The following EDDM13 variants were observed in gnomAD, a reference collection of about 807,000 sequenced individuals.
The protein encoded by EDDM13 is epididymal protein 13.
In EDDM13, 24 loss-of-function variants were observed where a neutral mutation model predicts 17.8. The observed-to-expected ratio is 1.35, with a 90% confidence interval of 0.98 to 1.90. The LOEUF is 1.90. EDDM13 is among the 40% of genes most tolerant of loss of function. The pLI, the probability that EDDM13 is intolerant of heterozygous loss-of-function variation, is 0.00. For synonymous variants in EDDM13, 31 were observed against 37.5 expected (o/e 0.83, Z 0.63); for missense variants, 97 against 100.8 (o/e 0.96, Z 0.16).
chr19:56,308,467 G>T (rs2040840702), intron 14 of EDDM13, among the ~76,000 whole-genome samples: 1 of 151,996 alleles, frequency 6.6e-6, no homozygotes, highest in African/African-American at 2.4e-5. Context: ...GGGATTACAG[G>T]CATGCACCAC....
chr19:56,286,637 C>T (rs563819018), intron 6 of EDDM13: 83 of 152,272 alleles, frequency 5.5e-4, no homozygotes, highest in African/African-American at 1.9e-3. Flanking sequence ...AGGTTGTTCC[C>T]GCTGTTCGGT....
intron 1 of EDDM13, 130 bp downstream of exon 1, chr19:56,273,049 A>T (rs1267671523): frequency 4.4e-6 from 1 of 228,590 alleles, no homozygotes; most frequent in Non-Finnish European, 7.2e-6. Flanking sequence ...TTAGACATTC[A>T]CATTTCCCTT....
chr19:56,310,066 A>T (rs2304122), intron 14 of EDDM13, 58 bp from the exon 15 acceptor site: 73,153 of 152,268 alleles, frequency 0.48, 17,816 homozygotes, highest in Middle Eastern at 0.66. Context: ...GGCAAGGAGT[A>T]TGAGAATGCA....
intron 9 of EDDM13, among the ~76,000 whole-genome samples, 49 bp downstream of exon 9, chr19:56,290,895 T>C (rs942451881): frequency 2.0e-5 from 3 of 152,180 alleles, no homozygotes; most frequent in Non-Finnish European, 4.4e-5. Context: ...TTTCAGGTGC[T>C]GGGAAGAAGA....
At chr19:56,302,544 C>CCTTCCTCCCTCCCCCCTTCCTTTT (rs746194893) in intron 13 of EDDM13, among the ~76,000 whole-genome samples, 1 of 58,738 alleles carries the variant, frequency 1.7e-5, no homozygotes, top group Non-Finnish European at 4.3e-5. Context: ...TCTTCCTCCC[C>CCTTCCTCCCTCCCCCCTTCCTTTT]GTTCCTCCCT....
intron 8 of EDDM13, among the ~76,000 whole-genome samples, chr19:56,289,915 T>TCA (rs1163123964): frequency 6.6e-6 from 1 of 152,158 alleles, no homozygotes; most frequent in Non-Finnish European, 1.5e-5. Context: ...CTTCTGACCC[T>TCA]CACAAATGTT....
intron 1 of EDDM13, chr19:56,274,860 G>A (rs1184187349): frequency 6.6e-6 from 1 of 152,044 alleles, no homozygotes; most frequent in Non-Finnish European, 1.5e-5. Flanking sequence ...CTTGTGATTT[G>A]TCCTTAGGAT....
chr19:56,283,055 T>A (rs1442626575), intron 4 of EDDM13: 2 of 152,214 alleles, frequency 1.3e-5, no homozygotes, highest in African/African-American at 4.8e-5. Context: ...CGGAGCCTAA[T>A]TCTGCTCCTT....
intron 11 of EDDM13, among the ~76,000 whole-genome samples, chr19:56,297,279 C>G (rs141434393): frequency 0.018 from 2,676 of 152,178 alleles, 34 homozygotes; most frequent in Middle Eastern, 0.041. Context: ...TTCGAGGCAC[C>G]TGGAAGCACT....
intron 8 of EDDM13, among the ~76,000 whole-genome samples, 136 bp downstream of exon 8, chr19:56,289,027 C>A (rs1268010877): frequency 6.6e-6 from 1 of 152,164 alleles, no homozygotes; most frequent in Non-Finnish European, 1.5e-5. Context: ...GCATCAGGAG[C>A]ATCATCAGTA....
At chr19:56,302,585 TTTCTTCCTCTCCCTC>T (rs200943499) in intron 13 of EDDM13, among the ~76,000 whole-genome samples, 6,083 of 42,682 alleles carry the variant, frequency 0.14, 283 homozygotes, top group African/African-American at 0.22. Context: ...TCCTCCCCCT[TTTCTTCCTCTCCCTC>T]TTCTTCCTCT....
intron 9 of EDDM13, among the ~76,000 whole-genome samples, chr19:56,291,924 C>T (rs2039536450): frequency 6.6e-6 from 1 of 152,160 alleles, no homozygotes; most frequent in Non-Finnish European, 1.5e-5. Context: ...CGCGAGGCAC[C>T]AGAGCAGCAC....
intron 1 of EDDM13, among the ~76,000 whole-genome samples, chr19:56,275,438 T>G (rs1461463521): frequency 6.6e-6 from 1 of 152,204 alleles, no homozygotes; most frequent in Non-Finnish European, 1.5e-5. Context: ...CTCAGGGATA[T>G]TTATCGTATT....
At chr19:56,284,163 C>G (rs567131532) in intron 4 of EDDM13, 35 bp from the exon 5 acceptor site, 17 of 985,456 alleles carry the variant, frequency 1.7e-5, no homozygotes, top group Middle Eastern at 5.2e-4. Flanking sequence ...TAACCTTGGC[C>G]ACCATGCTGA....
intron 12 of EDDM13, among the ~76,000 whole-genome samples, chr19:56,299,444 TA>T (rs57347831): frequency 1.3e-3 from 181 of 143,044 alleles, no homozygotes; most frequent in Admixed American, 1.4e-3. Flanking sequence ...TGTTCATGAT[TA>T]AAAAAAAAAA....
chr19:56,302,038 G>A lies in EDDM13; in HGVS notation c.366G>A (p.Leu122=). Residue 122 remains leucine, a synonymous_variant, in exon 13 of 15, where the codon CTG becomes CTA. Coordinates refer to ENST00000649256, the MANE Select transcript of EDDM13 (RefSeq NM_001354658.2). ...LPKRKNTWNF[L]KCAYMVMTYL... The stretch of plus-strand genomic sequence containing the variant: ...AGAGGAAGAACACGTGGAACTTCCT[G>A]AAATGCGCCTACATGGTGATGACCT... 1.6e-6 allele frequency: 2 copies of A among 1,232,038 alleles called. No homozygotes were observed. The highest frequency in any genetic ancestry group is 2.0e-6 in the Non-Finnish European group (2 of 988,234). The allele number at this position is 1,232,038 out of a possible 1,614,324, so 76.3% of individuals were successfully genotyped here.
chr19:56,299,222 C>T (rs2040073156), intron 12 of EDDM13, among the ~76,000 whole-genome samples: 1 of 151,866 alleles, frequency 6.6e-6, no homozygotes, highest in South Asian at 2.1e-4. Flanking sequence ...GCCCTAAACT[C>T]CTAGGCTCAA....
At chr19:56,302,498 T>C (rs2040328661) in intron 13 of EDDM13, among the ~76,000 whole-genome samples, 1 of 99,556 alleles carries the variant, frequency 1.0e-5, no homozygotes, top group Non-Finnish European at 2.0e-5. Flanking sequence ...CCTTCTTCCC[T>C]CTCTGCCCTT....
At chr19:56,305,552 A>G (rs999550858) in intron 14 of EDDM13, among the ~76,000 whole-genome samples, 2 of 152,164 alleles carry the variant, frequency 1.3e-5, no homozygotes, top group Non-Finnish European at 2.9e-5. Context: ...AAGTTATGTT[A>G]GAATATCTGT....
Sources: gnomAD v4.1 joint callset for allele counts (sites outside exome capture counted in the v4.1 genomes callset) on GRCh38, gnomAD v4.1.1 for gene constraint, MANE v1.5 for transcripts, NCBI Gene and HGNC (gene_info 2026-07-23, HGNC 2026-07-21) for gene names.